The following KCNQ5 variants were observed in gnomAD, a reference collection of about 807,000 sequenced individuals.
KCNQ5 encodes the protein potassium voltage-gated channel subfamily KQT member 5.
A neutral mutation model predicts 98.2 loss-of-function variants in KCNQ5; 30 were observed. That is an observed-to-expected ratio of 0.31 (90% CI 0.23 to 0.41). The LOEUF (loss-of-function observed/expected upper bound fraction) is 0.41, where lower values mean the gene tolerates loss of function less well. Among genes scored for constraint, KCNQ5 ranks in the 10% least tolerant of loss-of-function variants. The pLI, the probability that KCNQ5 is intolerant of heterozygous loss-of-function variation, is 1.00. For synonymous variants in KCNQ5, 458 were observed against 449.4 expected (o/e 1.02, Z -0.24); for missense variants, 835 against 1,182.5 (o/e 0.71, Z 4.31).
chr6:73,042,365 G>T (rs1771750869), intron 3 of KCNQ5, among the ~76,000 whole-genome samples: 1 of 152,160 alleles, frequency 6.6e-6, no homozygotes, highest in Non-Finnish European at 1.5e-5. Flanking sequence ...AGGCAATCTG[G>T]CTCTAGAATA....
At chr6:72,951,364 C>T (rs1005414109) in intron 1 of KCNQ5, among the ~76,000 whole-genome samples, 2 of 152,086 alleles carry the variant, frequency 1.3e-5, no homozygotes, top group Non-Finnish European at 2.9e-5. Flanking sequence ...GCAACCTCTG[C>T]CTCCCAGGTT....
chr6:73,007,005 A>G (rs957157299), intron 2 of KCNQ5, among the ~76,000 whole-genome samples: 1 of 152,074 alleles, frequency 6.6e-6, no homozygotes, highest in Non-Finnish European at 1.5e-5. Context: ...CCAGCGTGTT[A>G]GGTGCAGGCC....
Position 72,847,337 on chromosome 6 carries a change from AT to A in KCNQ5, c.399-156566del, listed in dbSNP as rs754255003. 7.2e-5 allele frequency among the ~76,000 whole-genome samples: 11 copies of A among 151,958 alleles called. 1 individual carries two copies. The highest frequency in any genetic ancestry group is 1.6e-4 in the Non-Finnish European group (11 of 67,988). On this transcript the variant is annotated intron_variant, in intron 1 of 13. Coordinates refer to ENST00000370398, the MANE Select transcript of KCNQ5 (RefSeq NM_019842.4). ...TGCCACCACGCCCAGCTAATTTTGT[AT>A]TTTTAGTAAAGACGGTTTCTCCTTG...
At chr6:73,093,849 T>C (rs1436737413) in intron 5 of KCNQ5, among the ~76,000 whole-genome samples, 2 of 151,944 alleles carry the variant, frequency 1.3e-5, no homozygotes, top group Non-Finnish European at 2.9e-5. Context: ...TTGGAGAAAG[T>C]TCCATGCACT....
intron 1 of KCNQ5, among the ~76,000 whole-genome samples, chr6:72,778,044 A>G (rs1773251538): frequency 6.6e-6 from 1 of 152,192 alleles, no homozygotes; most frequent in Non-Finnish European, 1.5e-5. Context: ...TCACGGTAAG[A>G]GAAAAACATG....
intron 11 of KCNQ5, among the ~76,000 whole-genome samples, chr6:73,177,346 T>C (rs1027412256): frequency 6.6e-6 from 1 of 152,236 alleles, no homozygotes; most frequent in Non-Finnish European, 1.5e-5. Flanking sequence ...TCTTCTAAAA[T>C]AGCTCAGATC....
intron 10 of KCNQ5, among the ~76,000 whole-genome samples, chr6:73,140,187 T>C (rs1473254689): frequency 1.3e-5 from 2 of 152,078 alleles, no homozygotes; most frequent in Non-Finnish European, 2.9e-5. Context: ...AATCACAGAC[T>C]ATCAGTATTT....
At chr6:72,756,476 G>A (rs1171143546) in intron 1 of KCNQ5, among the ~76,000 whole-genome samples, 1 of 152,128 alleles carries the variant, frequency 6.6e-6, no homozygotes, top group Non-Finnish European at 1.5e-5. Context: ...TAGTTCTGTG[G>A]TATCTTATAT....
intron 1 of KCNQ5, among the ~76,000 whole-genome samples, chr6:72,854,117 G>A (rs1210778778): frequency 6.6e-6 from 1 of 152,062 alleles, no homozygotes; most frequent in Non-Finnish European, 1.5e-5. Flanking sequence ...TTAAGAACCT[G>A]CATGCAACAT....
chr6:72,672,538 A>C (rs148462877), intron 1 of KCNQ5, among the ~76,000 whole-genome samples: 2 of 152,312 alleles, frequency 1.3e-5, no homozygotes, highest in African/African-American at 4.8e-5. Flanking sequence ...ATAAAAGTAT[A>C]TAAGTTTTGG....
At chr6:73,023,819 C>T (rs1187117293) in intron 2 of KCNQ5, among the ~76,000 whole-genome samples, 2 of 152,118 alleles carry the variant, frequency 1.3e-5, no homozygotes, top group South Asian at 2.1e-4. Flanking sequence ...GCATTGAGGA[C>T]TTATTGATAT....
chr6:73,038,340 C>T (rs992934230), intron 2 of KCNQ5, among the ~76,000 whole-genome samples: 3 of 116,388 alleles, frequency 2.6e-5, no homozygotes, highest in Admixed American at 1.8e-4. Flanking sequence ...TTTACCTTTC[C>T]AAACTGCATG....
intron 1 of KCNQ5, among the ~76,000 whole-genome samples, chr6:72,808,922 C>G (rs1775089787): frequency 6.6e-6 from 1 of 151,804 alleles, no homozygotes; most frequent in Admixed American, 6.6e-5. Context: ...AATCATGCTG[C>G]TATAAAGACA....
intron 1 of KCNQ5, among the ~76,000 whole-genome samples, chr6:72,896,429 T>C (rs1779255657): frequency 6.6e-6 from 1 of 151,668 alleles, no homozygotes; most frequent in African/African-American, 2.4e-5. Flanking sequence ...AATATCTACT[T>C]GTAAAAAAAA....
At chr6:72,951,975 C>T (rs1420496846) in intron 1 of KCNQ5, among the ~76,000 whole-genome samples, 1 of 152,208 alleles carries the variant, frequency 6.6e-6, no homozygotes, top group Non-Finnish European at 1.5e-5. Flanking sequence ...ATTAGTTTGG[C>T]TTCTACAACT....
In KCNQ5 at chr6:72,754,753, T is replaced by A. The variant is rs1325184981; in HGVS notation, c.398+132166T>A. On this transcript the variant is annotated intron_variant, in intron 1 of 13. Coordinates refer to ENST00000370398, the MANE Select transcript of KCNQ5 (RefSeq NM_019842.4). ...TCTCGGTGAATGTTCAATGTACACATGAAAACAATGTTTATCCTTTTAATA... is the reference window on the plus strand; with the variant it reads ...TCTCGGTGAATGTTCAATGTACACAAGAAAACAATGTTTATCCTTTTAATA... Among the ~76,000 whole-genome samples the A allele has an allele frequency of 2.0e-5, 3 of 152,056 alleles. No individual in the cohort carries two copies. The East Asian group carries it at 5.8e-4, about 29-fold the overall frequency.
At chr6:73,018,081 T>G (rs970335543) in intron 2 of KCNQ5, among the ~76,000 whole-genome samples, 1 of 152,066 alleles carries the variant, frequency 6.6e-6, no homozygotes, top group Non-Finnish European at 1.5e-5. Context: ...ACATATTATG[T>G]TGGAGGAGTG....
chr6:72,906,487 T>C (rs1779704547), intron 1 of KCNQ5, among the ~76,000 whole-genome samples: 1 of 152,224 alleles, frequency 6.6e-6, no homozygotes, highest in African/African-American at 2.4e-5. Context: ...GCTTTCCCTC[T>C]GCCTCTGGCC....
chr6:72,965,841 A>G (rs943038896), intron 1 of KCNQ5, among the ~76,000 whole-genome samples: 6 of 152,274 alleles, frequency 3.9e-5, no homozygotes, highest in African/African-American at 1.4e-4. Context: ...CACTTTGTCT[A>G]TGTGTAAGAG....
Sources: gnomAD v4.1 joint callset for allele counts (sites outside exome capture counted in the v4.1 genomes callset) on GRCh38, gnomAD v4.1.1 for gene constraint, MANE v1.5 for transcripts, NCBI Gene and HGNC (gene_info 2026-07-23, HGNC 2026-07-21) for gene names.